Variants in RELN observed in about 807,000 individuals in gnomAD.
The protein encoded by RELN is reelin.
A neutral mutation model predicts 427.6 loss-of-function variants in RELN; 108 were observed. The ratio of observed to expected loss-of-function variants is 0.25; its 90% CI spans 0.22 to 0.30. RELN has a LOEUF of 0.30. Among genes scored for constraint, RELN ranks in the 10% least tolerant of loss-of-function variants. The probability of loss-of-function intolerance (pLI) is 1.00; values close to 1 mark genes in which losing one functional copy is unlikely to be tolerated. For missense variants in RELN, 3,715 were observed against 4,302.8 expected, an observed-to-expected ratio of 0.86 and a Z score of 3.82; for synonymous variants, 1,524 against 1,513.4, an observed-to-expected ratio of 1.01 and a Z score of -0.16.
At chr7:103,525,710 A>G (rs1470722162) in intron 46 of RELN, among the ~76,000 whole-genome samples, 104 of 142,638 alleles carry the variant, frequency 7.3e-4, no homozygotes, top group Non-Finnish European at 1.1e-4. Flanking sequence ...TTTTTTTTTT[A>G]GACTATAAGC....
chr7:103,497,700 C>A, intron 55 of RELN, 120 bp downstream of exon 55: 1 of 821,588 alleles, frequency 1.2e-6, no homozygotes, highest in South Asian at 1.4e-5. Context: ...GTAGCTTTTT[C>A]TTTGTGAGTT....
chr7:103,989,068 T>A lies in RELN; in HGVS notation c.226+63A>T, dbSNP rs1441513780. The A allele has an allele frequency of 2.1e-6, 3 of 1,413,048 alleles. No homozygotes were observed. The highest frequency in any genetic ancestry group is 3.0e-6 in the Non-Finnish European group (3 of 998,446). The allele number at this position is 1,413,048 out of a possible 1,614,324, so 87.5% of individuals were successfully genotyped here. A position where few individuals can be genotyped will look rare whatever the true frequency, so the allele number is the denominator to read the frequency against. ...AGGCCCCTTGGAAGAAGGAAAGGGA[T>A]GAGAAAGGTGCGCTGGCGGGCGCAC... On this transcript the variant is annotated intron_variant, in intron 1 of 64. Coordinates refer to ENST00000428762, the MANE Select transcript of RELN (RefSeq NM_005045.4). The surrounding 1 kb of genome is among the most constrained non-coding windows in gnomAD (Gnocchi z 4.9).
At chr7:103,697,137 T>C (rs1833992700) in intron 10 of RELN, among the ~76,000 whole-genome samples, 1 of 152,124 alleles carries the variant, frequency 6.6e-6, no homozygotes, top group South Asian at 2.1e-4. Context: ...CTGGAAGATT[T>C]GATGTTCGGT....
At chr7:103,913,694 CT>C (rs1460453112) in intron 2 of RELN, among the ~76,000 whole-genome samples, 3 of 151,974 alleles carry the variant, frequency 2.0e-5, no homozygotes, top group Non-Finnish European at 4.4e-5. Context: ...AATTAATGTG[CT>C]TTTTTTCAAA....
rs111259791 is a variant in RELN, at chr7:103,838,649, G to C, written c.338-4977C>G. Among the ~76,000 whole-genome samples the C allele has an allele frequency of 4.6e-3, 706 of 152,276 alleles. 6 individuals carry two copies. Among genetic ancestry groups the C allele is most frequent in the African/African-American group, 0.016 (680 of 41,560 alleles). ...GTGTATGGAAAATGACAAGTCTGCA[G>C]GAGTCTGCCTGGCCAAAAAGGAAAA... On this transcript the variant is annotated intron_variant, in intron 2 of 64. Coordinates refer to ENST00000428762, the MANE Select transcript of RELN (RefSeq NM_005045.4).
At chr7:103,876,063 G>A (rs987701535) in intron 2 of RELN, among the ~76,000 whole-genome samples, 1 of 152,020 alleles carries the variant, frequency 6.6e-6, no homozygotes, top group Admixed American at 6.6e-5. Flanking sequence ...GTTGCAGGGT[G>A]GAAATTTCTT....
intron 51 of RELN, among the ~76,000 whole-genome samples, chr7:103,506,198 C>T (rs1829204060): frequency 6.6e-6 from 1 of 152,160 alleles, no homozygotes; most frequent in Non-Finnish European, 1.5e-5. Flanking sequence ...CCCAACCTAG[C>T]AAGGCAGGCC....
chr7:103,788,315 C>T (rs1792071398), intron 3 of RELN, among the ~76,000 whole-genome samples: 1 of 152,166 alleles, frequency 6.6e-6, no homozygotes. Context: ...TCCTCTTCAA[C>T]ACAGTAATGG....
chr7:103,958,807 A>G (rs10251700), intron 1 of RELN, among the ~76,000 whole-genome samples: 13,029 of 152,162 alleles, frequency 0.086, 605 homozygotes, highest in Middle Eastern at 0.13. Context: ...ATTAGACTTT[A>G]TATCTTAGAA....
intron 44 of RELN, 35 bp from the exon 45 acceptor site, chr7:103,539,362 A>G: frequency 1.2e-6 from 2 of 1,603,728 alleles, no homozygotes; most frequent in East Asian, 2.2e-5. Context: ...CAAATTTTCC[A>G]TTTAGTTTTA....
chr7:103,857,435 T>TTC (rs1251252653), intron 2 of RELN, among the ~76,000 whole-genome samples: 4 of 152,212 alleles, frequency 2.6e-5, no homozygotes, highest in Admixed American at 2.6e-4. Flanking sequence ...AGACTGTGTT[T>TTC]TCTTCTCCAT....
intron 19 of RELN, among the ~76,000 whole-genome samples, chr7:103,631,682 G>A (rs952879341): frequency 1.3e-5 from 2 of 152,040 alleles, no homozygotes; most frequent in African/African-American, 4.8e-5. Context: ...TTTCATCAGT[G>A]TAAATTTATT....
chr7:103,989,337 G>T lies in RELN; in HGVS notation c.20C>A (p.Ala7Asp). The T allele has an allele frequency of 6.4e-7, 1 of 1,559,874 alleles. No homozygotes were observed. The highest frequency in any genetic ancestry group is 8.7e-7 in the Non-Finnish European group (1 of 1,152,206). Reference sequence around the variant, plus strand: ...CAGCGCTAGGAGGAAAGTCTGCCGGGCCCAGCCACTGCGCTCCATGCCGCC... The same window carrying T: ...CAGCGCTAGGAGGAAAGTCTGCCGGTCCCAGCCACTGCGCTCCATGCCGCC... The part of the protein sequence containing the change: MERSGW[A>D]RQTFLLALLL... The change falls in exon 1 of 65, where the codon GCC becomes GAC. Residue 7 changes from alanine to aspartate, a missense_variant. Around this residue, in one of 4 missense-constraint regions of RELN, gnomAD observed 2,208 missense variants for 2,361.7 expected, o/e 0.93. Transcript: ENST00000428762. The surrounding 1 kb of genome is among the most constrained non-coding windows in gnomAD (Gnocchi z 4.9).
chr7:103,620,477 T>C lies in RELN; in HGVS notation c.2703-8674A>G. Among the ~76,000 whole-genome samples the C allele has an allele frequency of 7.6e-5, 1 of 13,074 alleles. No individual in the cohort carries two copies. The highest frequency in any genetic ancestry group is 6.8e-4 in the African/African-American group (1 of 1,480). 8.6% of individuals were successfully genotyped at this position (13,074 alleles called of 152,430 possible). A position where few individuals can be genotyped will look rare whatever the true frequency, so the allele number is the denominator to read the frequency against. On this transcript the variant is annotated intron_variant, in intron 20 of 64. Coordinates refer to ENST00000428762, the MANE Select transcript of RELN (RefSeq NM_005045.4). The surrounding 1 kb of genome is among the most constrained non-coding windows in gnomAD (Gnocchi z 4.1). ...TGAAGATAACTCACCCGATCCACAT[T>C]TTTTTTTTTTTTTTGAGATAGAGTC...
At chr7:103,662,759 GT>G (rs991878999) in intron 11 of RELN, among the ~76,000 whole-genome samples, 4 of 152,088 alleles carry the variant, frequency 2.6e-5, no homozygotes, top group African/African-American at 9.7e-5. Context: ...TCCATGGAGA[GT>G]TTGGAAAGAG....
chr7:103,652,748 C>G lies in RELN; in HGVS notation c.1566G>C (p.Leu522Phe), dbSNP rs200373269. Reference protein sequence around the residue: ...LSYSSYKVPSLVSVVINPELQ... With the variant: ...LSYSSYKVPSFVSVVINPELQ... ...GTTCAGGATTGATGACCACAGAAAC[C>G]AAAGACGGAACCTTTCAAACAAAGG... The change falls in exon 14 of 65, where the codon TTG (leucine) becomes TTC (phenylalanine). Residue 522 changes from leucine to phenylalanine, a missense_variant. Around this residue, in one of 4 missense-constraint regions of RELN, gnomAD observed 2,208 missense variants for 2,361.7 expected, o/e 0.93. Transcript: ENST00000428762. The G allele has an allele frequency of 4.0e-5, 65 of 1,612,442 alleles. No homozygotes were observed. The highest frequency in any genetic ancestry group is 9.9e-5 in the South Asian group (9 of 91,040).
intron 11 of RELN, among the ~76,000 whole-genome samples, chr7:103,678,594 C>T (rs980020131): frequency 4.6e-5 from 7 of 152,042 alleles, no homozygotes; most frequent in Non-Finnish European, 7.4e-5. Context: ...AAACGGTTTC[C>T]CAGAAAAGCC....
intron 3 of RELN, among the ~76,000 whole-genome samples, chr7:103,801,420 G>A (rs1563021684): frequency 6.6e-6 from 1 of 152,194 alleles, no homozygotes; most frequent in Non-Finnish European, 1.5e-5. Flanking sequence ...ATGAGTTCAT[G>A]TCGTTTGCAG....
chr7:103,697,483 C>T (rs1562961194), intron 10 of RELN, among the ~76,000 whole-genome samples: 1 of 152,042 alleles, frequency 6.6e-6, no homozygotes, highest in Non-Finnish European at 1.5e-5. Flanking sequence ...CTGAACTTCC[C>T]CAGCAAATCA....
Sources: gnomAD v4.1 joint callset for allele counts (sites outside exome capture counted in the v4.1 genomes callset) on GRCh38, gnomAD v4.1.1 for gene constraint, gnomAD v4.1.1 regional missense constraint, Gnocchi (gnomAD v3.1) non-coding constraint, MANE v1.5 for transcripts, NCBI Gene and HGNC (gene_info 2026-07-23, HGNC 2026-07-21) for gene names.